Variants in HYAL4 observed in about 807,000 individuals in gnomAD.
HYAL4 encodes the protein hyaluronidase-4.
HYAL4 carries 37 observed loss-of-function variants against 35.2 expected under a neutral mutation model. The observed-to-expected ratio is 1.05, with a 90% CI of 0.81 to 1.38. The LOEUF is 1.38. Ranked by LOEUF, HYAL4 falls within the 40% of genes most tolerant of loss-of-function variation. The pLI is 0.00. For synonymous variants in HYAL4, 198 were observed against 203.2 expected, an observed-to-expected ratio of 0.97 and a Z score of 0.22; for missense variants, 572 against 572.4, an observed-to-expected ratio of 1.00 and a Z score of 0.01.
chr7:123,793,423 A>C, the HYAL4 span, among the ~76,000 whole-genome samples: 1 of 152,088 alleles, frequency 6.6e-6, no homozygotes, highest in Admixed American at 6.5e-5. Context: ...GACTTGGGAG[A>C]TTACTATCTG....
the HYAL4 span, among the ~76,000 whole-genome samples, chr7:123,816,420 T>G: frequency 2.0e-5 from 3 of 152,302 alleles, no homozygotes; most frequent in South Asian, 6.2e-4. Flanking sequence ...TGGGTTATAT[T>G]TATTCATTGA....
chr7:123,803,452 CT>C, the HYAL4 span, among the ~76,000 whole-genome samples: 1 of 152,116 alleles, frequency 6.6e-6, no homozygotes, highest in Non-Finnish European at 1.5e-5. Flanking sequence ...GCAAAGTTGC[CT>C]TTTCTTGGTT....
At chr7:123,784,827 C>T in the HYAL4 span, among the ~76,000 whole-genome samples, 4 of 152,088 alleles carry the variant, frequency 2.6e-5, no homozygotes, top group South Asian at 8.3e-4. Context: ...CCTTGGTAGT[C>T]GCAGGTTGGA....
chr7:123,805,260 A>G, the HYAL4 span, among the ~76,000 whole-genome samples: 1 of 152,222 alleles, frequency 6.6e-6, no homozygotes, highest in Admixed American at 6.5e-5. Flanking sequence ...GTATCCAACA[A>G]TCTGTTCAAC....
At chr7:123,817,347 A>G in the HYAL4 span, among the ~76,000 whole-genome samples, 1 of 152,054 alleles carries the variant, frequency 6.6e-6, no homozygotes, top group East Asian at 1.9e-4. Flanking sequence ...AAACTTATCC[A>G]TCTTTATTTC....
the HYAL4 span, among the ~76,000 whole-genome samples, chr7:123,803,265 T>A: frequency 6.6e-6 from 1 of 152,152 alleles, no homozygotes; most frequent in African/African-American, 2.4e-5. Context: ...ATAAAATAAA[T>A]TTTTTAAAAA....
intron 1 of HYAL4, among the ~76,000 whole-genome samples, chr7:123,830,465 A>C (rs1395796532): frequency 6.6e-6 from 1 of 152,214 alleles, no homozygotes; most frequent in East Asian, 1.9e-4. Context: ...TGTCCTGAAT[A>C]ACCTGAAAAA....
intron 1 of HYAL4, among the ~76,000 whole-genome samples, chr7:123,847,623 A>G (rs1391859515): frequency 6.6e-6 from 1 of 152,102 alleles, no homozygotes; most frequent in Non-Finnish European, 1.5e-5. Flanking sequence ...TGAAAATACA[A>G]AAAAATTAGC....
chr7:123,809,830 T>C, the HYAL4 span, among the ~76,000 whole-genome samples: 1 of 152,158 alleles, frequency 6.6e-6, no homozygotes, highest in Non-Finnish European at 1.5e-5. Flanking sequence ...CACATCCCAC[T>C]GGACAGGGAG....
chr7:123,840,282 A>C (rs564623117), upstream of HYAL4, among the ~76,000 whole-genome samples: 1 of 152,304 alleles, frequency 6.6e-6, no homozygotes, highest in African/African-American at 2.4e-5. Context: ...GGTTTGTCAA[A>C]GATCAGATGG....
the HYAL4 span, among the ~76,000 whole-genome samples, chr7:123,816,371 A>G: frequency 1.3e-5 from 2 of 152,154 alleles, no homozygotes; most frequent in Non-Finnish European, 2.9e-5. Flanking sequence ...GCTTTCTCAA[A>G]TCATTTTACT....
chr7:123,816,092 TCTTATA>T, the HYAL4 span, among the ~76,000 whole-genome samples: 675 of 152,268 alleles, frequency 4.4e-3, 4 homozygotes, highest in African/African-American at 0.015. Flanking sequence ...AAAAACCCTT[TCTTATA>T]CTTTAACACT....
the HYAL4 span, among the ~76,000 whole-genome samples, chr7:123,772,926 C>T: frequency 6.6e-6 from 1 of 152,162 alleles, no homozygotes; most frequent in Non-Finnish European, 1.5e-5. Flanking sequence ...GATGTCAGAC[C>T]AGACTACACC....
rs1328186622 is a variant in HYAL4, at chr7:123,866,908, A to G, written c.-51-1315A>G. ...CAGGTTGAAGCGATTCTCCTGCCTC[A>G]GCCTCCTCAGTAGCTGGGACTACAG... On this transcript the variant is annotated intron_variant, in intron 2 of 4. Coordinates refer to ENST00000223026, the MANE Select transcript of HYAL4 (RefSeq NM_012269.3). Among the ~76,000 whole-genome samples the G allele has an allele frequency of 2.0e-5, 3 of 150,388 alleles. No homozygotes were observed. In the East Asian group the frequency reaches 5.9e-4, roughly 30 times the overall value.
At chr7:123,859,011 A>G (rs1192167756) in intron 2 of HYAL4, among the ~76,000 whole-genome samples, 2 of 152,188 alleles carry the variant, frequency 1.3e-5, no homozygotes, top group Non-Finnish European at 2.9e-5. Context: ...AATAAAAACA[A>G]TGCCATAGAC....
chr7:123,852,894 G>A (rs1215440625), intron 2 of HYAL4, among the ~76,000 whole-genome samples: 1 of 152,070 alleles, frequency 6.6e-6, no homozygotes, highest in Non-Finnish European at 1.5e-5. Flanking sequence ...CCATTTGTTT[G>A]TGTCCTCCCT....
At chr7:123,856,340 G>T (rs1407015606) in intron 2 of HYAL4, among the ~76,000 whole-genome samples, 1 of 152,080 alleles carries the variant, frequency 6.6e-6, no homozygotes, top group Non-Finnish European at 1.5e-5. Context: ...TTATCTACCT[G>T]TGATCTTTGA....
intron 1 of HYAL4, among the ~76,000 whole-genome samples, chr7:123,830,576 T>C (rs1303422772): frequency 2.0e-5 from 3 of 152,204 alleles, no homozygotes; most frequent in African/African-American, 7.2e-5. Flanking sequence ...CATAAACTTT[T>C]TCATGGGACA....
chr7:123,776,681 A>T, the HYAL4 span, among the ~76,000 whole-genome samples: 37 of 152,272 alleles, frequency 2.4e-4, 1 homozygote, highest in South Asian at 7.1e-3. Context: ...GGCCTCCCAA[A>T]GTGCTGTGAT....
Sources: allele counts gnomAD v4.1 joint callset (sites outside exome capture counted in the v4.1 genomes callset), GRCh38; gene constraint gnomAD v4.1.1; transcripts MANE v1.5; gene names NCBI Gene and HGNC (gene_info 2026-07-23, HGNC 2026-07-21).